The following CMIP variants were observed in gnomAD, a reference collection of about 807,000 sequenced individuals.
The protein encoded by CMIP is C-Maf-inducing protein.
Under a neutral mutation model 97.3 loss-of-function variants are expected in CMIP, and 13 were observed. The observed-to-expected ratio is 0.13, with a 90% CI of 0.09 to 0.21. CMIP has a LOEUF of 0.21. CMIP is among the 10% of genes least tolerant of loss of function. The pLI is 1.00. For missense variants in CMIP, 847 were observed against 1,024.9 expected, an observed-to-expected ratio of 0.83 and a Z score of 2.37; for synonymous variants, 538 against 436.3, an observed-to-expected ratio of 1.23 and a Z score of -2.91.
At chr16:81,528,417 G>A (rs1031634073) in intron 1 of CMIP, among the ~76,000 whole-genome samples, 3 of 152,164 alleles carry the variant, frequency 2.0e-5, no homozygotes, top group African/African-American at 7.2e-5. Context: ...GGGGCCCGGA[G>A]TGAGGTTGGG....
chr16:81,506,741 C>T (rs1376495002), intron 1 of CMIP, among the ~76,000 whole-genome samples: 1 of 152,076 alleles, frequency 6.6e-6, no homozygotes, highest in African/African-American at 2.4e-5. Context: ...AGTGAAACCC[C>T]GTCTCTACTA....
At chr16:81,455,638 C>G (rs1906501889) in intron 1 of CMIP, among the ~76,000 whole-genome samples, 1 of 152,198 alleles carries the variant, frequency 6.6e-6, no homozygotes, top group Non-Finnish European at 1.5e-5. Context: ...GTGGTGCACA[C>G]AGCCTTTCTC....
At chr16:81,629,760 A>C (rs1345508965) in intron 3 of CMIP, among the ~76,000 whole-genome samples, 2 of 152,210 alleles carry the variant, frequency 1.3e-5, no homozygotes, top group Non-Finnish European at 2.9e-5. Flanking sequence ...ACAGCGCCCA[A>C]GGGAGGCTTC....
chr16:81,500,521 A>G (rs1441661333), intron 1 of CMIP, among the ~76,000 whole-genome samples: 2 of 127,864 alleles, frequency 1.6e-5, no homozygotes, highest in African/African-American at 3.0e-5. Context: ...ATGGAGTCTC[A>G]CTCTGTCGCC....
chr16:81,517,237 A>G (rs2089934266), intron 1 of CMIP, among the ~76,000 whole-genome samples: 1 of 98,484 alleles, frequency 1.0e-5, no homozygotes, highest in African/African-American at 3.0e-5. Flanking sequence ...ACAGCCTCCA[A>G]GGTCGTCAGT....
intron 9 of CMIP, among the ~76,000 whole-genome samples, chr16:81,677,895 C>T (rs1389697755): frequency 1.3e-5 from 2 of 152,208 alleles, no homozygotes; most frequent in Non-Finnish European, 2.9e-5. Flanking sequence ...CAGTAGATCC[C>T]ATTGGCTTAT....
At chr16:81,533,960 G>C (rs899158222) in intron 1 of CMIP, 5 of 152,224 alleles carry the variant, frequency 3.3e-5, no homozygotes, top group African/African-American at 1.2e-4. Flanking sequence ...CCGCAGATGG[G>C]AAGGAAGGGC....
chr16:81,594,644 C>T (rs982864264), intron 1 of CMIP, among the ~76,000 whole-genome samples: 13 of 152,048 alleles, frequency 8.5e-5, no homozygotes, highest in African/African-American at 1.2e-4. Flanking sequence ...GACGGAGTCT[C>T]GCTCTGTTCC....
At chr16:81,504,155 C>A (rs2966092) in intron 1 of CMIP, among the ~76,000 whole-genome samples, 2,191 of 151,970 alleles carry the variant, frequency 0.014, 54 homozygotes, top group African/African-American at 0.051. Flanking sequence ...GTGAAACCCC[C>A]TCTCTACTAA....
At chr16:81,684,283 G>T (rs1905167486) in intron 10 of CMIP, among the ~76,000 whole-genome samples, 1 of 152,250 alleles carries the variant, frequency 6.6e-6, no homozygotes, top group Admixed American at 6.5e-5. Flanking sequence ...GAGCTAGCTG[G>T]TTTGCCTTTC....
chr16:81,657,168 C>G (rs1436467127), intron 4 of CMIP, among the ~76,000 whole-genome samples: 3 of 152,100 alleles, frequency 2.0e-5, no homozygotes, highest in Admixed American at 1.3e-4. Flanking sequence ...GAAACAGGAC[C>G]CCTAAAATTT....
chr16:81,610,438 G>C, intron 2 of CMIP: 1 of 986,106 alleles, frequency 1.0e-6, no homozygotes, highest in Non-Finnish European at 1.2e-6. Flanking sequence ...GGAAAAGGAG[G>C]AGGAGGAGGC....
intron 3 of CMIP, among the ~76,000 whole-genome samples, chr16:81,623,198 C>T (rs1172237491): frequency 6.6e-6 from 1 of 152,084 alleles, no homozygotes. Flanking sequence ...AGTGAGACCC[C>T]CATGCCCCAC....
chr16:81,685,213 C>T (rs1905256647), intron 10 of CMIP, among the ~76,000 whole-genome samples: 1 of 152,222 alleles, frequency 6.6e-6, no homozygotes, highest in Non-Finnish European at 1.5e-5. Flanking sequence ...CCCTCTCCCT[C>T]CTTCCCATGC....
At chr16:81,518,370 A>T (rs1276719002) in intron 1 of CMIP, 1 of 152,264 alleles carries the variant, frequency 6.6e-6, no homozygotes, top group Admixed American at 6.5e-5. Context: ...CCACCACTTC[A>T]TGGTGAATGG....
chr16:81,457,864 C>G (rs754773520), intron 1 of CMIP, among the ~76,000 whole-genome samples: 1 of 152,196 alleles, frequency 6.6e-6, no homozygotes, highest in Non-Finnish European at 1.5e-5. Flanking sequence ...CGGTGGGCCA[C>G]GGCACCCCAG....
intron 6 of CMIP, among the ~76,000 whole-genome samples, 189 bp from the exon 7 acceptor site, chr16:81,664,080 G>A (rs889742371): frequency 2.0e-5 from 3 of 152,124 alleles, no homozygotes; most frequent in African/African-American, 2.4e-5. Context: ...CTTCCTCTCC[G>A]TTCTGCTCTG....
In CMIP at chr16:81,707,094, T is replaced by A. The variant is rs377354925; in HGVS notation, c.2268+10T>A. On this transcript the variant is annotated intron_variant, in intron 20 of 20. Transcript: ENST00000537098. ...CTACGAAGATCTGAAGGTAATTCCCTCCTTCCTCCCCACTCTCCTCCCCTC... is the reference window on the plus strand; with the variant it reads ...CTACGAAGATCTGAAGGTAATTCCCACCTTCCTCCCCACTCTCCTCCCCTC... 4.3e-6 allele frequency: 7 copies of A among 1,611,688 alleles called. No individual in the cohort carries two copies. In the African/African-American group the frequency reaches 8.0e-5, roughly 18 times the overall value.
intron 1 of CMIP, among the ~76,000 whole-genome samples, chr16:81,550,118 C>T (rs1480454695): frequency 6.6e-6 from 1 of 152,216 alleles, no homozygotes; most frequent in Non-Finnish European, 1.5e-5. Context: ...GCAGTACACA[C>T]TGAGCACCCT....
Sources: allele counts gnomAD v4.1 joint callset (sites outside exome capture counted in the v4.1 genomes callset), GRCh38; gene constraint gnomAD v4.1.1; transcripts MANE v1.5; gene names NCBI Gene and HGNC (gene_info 2026-07-23, HGNC 2026-07-21).